Variants in AFDN observed in about 807,000 individuals in gnomAD.
The protein encoded by AFDN is afadin, adherens junction formation factor, also known as afadin.
AFDN carries 68 observed loss-of-function variants against 216.6 expected under a neutral mutation model. That is an observed-to-expected ratio of 0.31 (90% confidence interval 0.26 to 0.38). AFDN has a LOEUF of 0.38. AFDN is among the 10% of genes least tolerant of loss of function. The pLI is 1.00. For synonymous variants in AFDN, 868 were observed against 853.7 expected (o/e 1.02, Z -0.29); for missense variants, 2,136 against 2,342.0 (o/e 0.91, Z 1.82).
At chr6:167,887,036 A>G (rs1286754516) in intron 6 of AFDN, among the ~76,000 whole-genome samples, 1 of 148,402 alleles carries the variant, frequency 6.7e-6, no homozygotes, top group Non-Finnish European at 1.5e-5. Context: ...AAAAAAAAGA[A>G]TGCCTGGTGT....
At position 167,848,889 on chromosome 6, in the gene AFDN, A is replaced by G. The variant is rs371689286; in HGVS notation, c.106-15662A>G. Among the ~76,000 whole-genome samples, 124 of 152,342 alleles carry G rather than the reference A, an allele frequency of 8.1e-4. 1 individual carries two copies. The highest frequency in any genetic ancestry group is 2.9e-3 in the African/African-American group (120 of 41,578). On this transcript the variant is annotated intron_variant, in intron 1 of 33. Transcript: ENST00000683244. ...GAATGTTCATTTTGTATTATTGTAT[A>G]GTACAATGATTACTGATTGTTTAGT...
At chr6:167,848,706 A>G (rs1781969167) in intron 1 of AFDN, among the ~76,000 whole-genome samples, 1 of 152,190 alleles carries the variant, frequency 6.6e-6, no homozygotes, top group Non-Finnish European at 1.5e-5. Flanking sequence ...CCTCCTCAAT[A>G]TATTCAGATT....
rs1796985998 is a variant in AFDN, at chr6:167,961,068, T to TTA, written c.4834-1365_4834-1364insTA. On this transcript the variant is annotated intron_variant, in intron 30 of 33. Coordinates refer to ENST00000683244, the MANE Select transcript of AFDN (RefSeq NM_001386888.1). ...AGGGAGAGTGAAGTTGATTTTTATTTAAAAAAAAAAATACATACAAAATCA... is the reference window on the plus strand; with the variant it reads ...AGGGAGAGTGAAGTTGATTTTTATTTTAAAAAAAAAAAATACATACAAAATCA... Among the ~76,000 whole-genome samples the TTA allele has an allele frequency of 2.0e-5, 3 of 148,822 alleles. No individual in the cohort carries two copies. The South Asian group carries it at 6.4e-4, about 32-fold the overall frequency.
chr6:167,857,408 G>A (rs1562561183), intron 1 of AFDN, among the ~76,000 whole-genome samples: 1 of 152,078 alleles, frequency 6.6e-6, no homozygotes, highest in Non-Finnish European at 1.5e-5. Flanking sequence ...CAGTTGATTA[G>A]TTGTACTCAA....
chr6:167,925,514 A>G (rs1428074796), intron 23 of AFDN, among the ~76,000 whole-genome samples: 1 of 152,152 alleles, frequency 6.6e-6, no homozygotes, highest in Non-Finnish European at 1.5e-5. Flanking sequence ...AAAACCGCTA[A>G]GGACTTTGCT....
chr6:167,835,316 A>G (rs1780299864), intron 1 of AFDN, among the ~76,000 whole-genome samples: 1 of 152,218 alleles, frequency 6.6e-6, no homozygotes, highest in Admixed American at 6.5e-5. Flanking sequence ...TGCGTTATTC[A>G]TTTTTGACAA....
At chr6:167,914,124 T>G in intron 16 of AFDN, 44 bp from the exon 17 acceptor site, 1 of 1,603,846 alleles carries the variant, frequency 6.2e-7, no homozygotes, top group East Asian at 2.2e-5. Flanking sequence ...TTTTATTACT[T>G]TTGTTTATTC....
intron 4 of AFDN, among the ~76,000 whole-genome samples, chr6:167,874,354 A>G (rs1785108283): frequency 6.6e-6 from 1 of 152,168 alleles, no homozygotes; most frequent in African/African-American, 2.4e-5. Context: ...AAGCTTGACT[A>G]TTTTTAATTA....
chr6:167,827,419 CGTCCCCCTGCCGCG>C (rs1426645436), intron 1 of AFDN, among the ~76,000 whole-genome samples, 182 bp downstream of exon 1: 2 of 145,188 alleles, frequency 1.4e-5, no homozygotes, highest in East Asian at 4.1e-4. Context: ...CCGCAGCCCC[CGTCCCCCTGCCGCG>C]GTGTATCCCG....
chr6:167,917,544 A>T (rs9355044), intron 20 of AFDN, among the ~76,000 whole-genome samples: 1 of 151,916 alleles, frequency 6.6e-6, no homozygotes, highest in African/African-American at 2.4e-5. Flanking sequence ...GAGGGTGGGT[A>T]CCTCTGTCAC....
chr6:167,922,847 C>T lies in AFDN; in HGVS notation c.2909-9C>T. On this transcript the variant is annotated splice_polypyrimidine_tract_variant and intron_variant, in intron 21 of 33. Coordinates refer to ENST00000683244, the MANE Select transcript of AFDN (RefSeq NM_001386888.1). Reference sequence around the variant, plus strand: ...TTTTTCACTTACAATTTGCTTGTTTCCTCCTTAGGATTTTGCAGGTTAATT... The same window carrying T: ...TTTTTCACTTACAATTTGCTTGTTTTCTCCTTAGGATTTTGCAGGTTAATT... 5 of 1,588,550 alleles carry T rather than the reference C, an allele frequency of 3.1e-6. No individual in the cohort carries two copies. The highest frequency in any genetic ancestry group is 4.3e-6 in the Non-Finnish European group (5 of 1,160,820).
chr6:167,850,593 A>G (rs189017529), intron 1 of AFDN, among the ~76,000 whole-genome samples: 116 of 152,326 alleles, frequency 7.6e-4, no homozygotes, highest in African/African-American at 2.4e-3. Context: ...GTTCATGTAT[A>G]TAATTTGTAT....
At chr6:167,878,008 A>G (rs998082817) in intron 5 of AFDN, among the ~76,000 whole-genome samples, 1 of 151,908 alleles carries the variant, frequency 6.6e-6, no homozygotes, top group Non-Finnish European at 1.5e-5. Context: ...TGACCCCAAA[A>G]TGCCCTATAT....
chr6:167,864,861 T>A (rs772846591), intron 2 of AFDN, 115 bp downstream of exon 2: 6 of 1,095,822 alleles, frequency 5.5e-6, no homozygotes, highest in South Asian at 5.0e-5. Context: ...CTTTCTTCTC[T>A]TTTGGTGGGT....
chr6:167,887,110 A>G lies in AFDN; in HGVS notation c.898-2105A>G, dbSNP rs988558003. Among the ~76,000 whole-genome samples the G allele has an allele frequency of 5.3e-5, 8 of 152,028 alleles. No individual in the cohort carries two copies. The South Asian group carries it at 1.7e-3, about 32-fold the overall frequency. On this transcript the variant is annotated intron_variant, in intron 6 of 33. Transcript: ENST00000683244. ...GGAATGTTGATGTTGATAAGTGTATATAAGTCTATTTAATAATAAACTGTT... is the reference window on the plus strand; with the variant it reads ...GGAATGTTGATGTTGATAAGTGTATGTAAGTCTATTTAATAATAAACTGTT...
chr6:167,868,476 G>T (rs1294213494), intron 2 of AFDN, among the ~76,000 whole-genome samples: 1 of 152,130 alleles, frequency 6.6e-6, no homozygotes, highest in Non-Finnish European at 1.5e-5. Context: ...TTCAAATATG[G>T]ACTAATTGAA....
chr6:167,911,540 G>A, intron 15 of AFDN, 51 bp downstream of exon 15: 1 of 1,541,372 alleles, frequency 6.5e-7, no homozygotes, highest in Non-Finnish European at 9.0e-7. Flanking sequence ...GGTTGTAATT[G>A]CTAAGCCAGT....
intron 9 of AFDN, among the ~76,000 whole-genome samples, chr6:167,896,324 G>A (rs1298351645): frequency 3.3e-5 from 5 of 152,064 alleles, no homozygotes; most frequent in Non-Finnish European, 5.9e-5. Context: ...GTAATGGACA[G>A]CAGAATTACT....
chr6:167,911,459 G>T lies in AFDN; in HGVS notation c.2007G>T (p.Lys669Asn). The T allele has an allele frequency of 1.2e-6, 2 of 1,614,144 alleles. No individual in the cohort carries two copies. Among genetic ancestry groups the T allele is most frequent in the Non-Finnish European group, 1.7e-6 (2 of 1,180,018 alleles). The change falls in exon 15 of 34, where the codon AAG becomes AAT. Residue 669 changes from lysine (K) to asparagine (N), a missense_variant. Lys to Asn is a moderately conservative substitution (Grantham distance 94, BLOSUM62 0). This residue lies in a region of AFDN where 817 missense variants were observed against 965.7 expected (regional missense o/e 0.85). Transcript: ENST00000683244. ...RTHKVIAVVN[K>N]MVSMMEGVIQ... ...ATAAAGTCATTGCAGTCGTCAACAAGATGGTGAGCATGATGGAGGGTGTCA... is the reference window on the plus strand; with the variant it reads ...ATAAAGTCATTGCAGTCGTCAACAATATGGTGAGCATGATGGAGGGTGTCA...
Sources: gnomAD v4.1 joint callset for allele counts (sites outside exome capture counted in the v4.1 genomes callset) on GRCh38, gnomAD v4.1.1 for gene constraint, gnomAD v4.1.1 regional missense constraint, MANE v1.5 for transcripts, NCBI Gene and HGNC (gene_info 2026-07-23, HGNC 2026-07-21) for gene names.